The following PTPRM variants were observed in gnomAD, a reference collection of about 807,000 sequenced individuals.
The protein encoded by PTPRM is protein tyrosine phosphatase receptor type M.
Under a neutral mutation model 186.7 loss-of-function variants are expected in PTPRM, and 47 were observed. The observed-to-expected ratio is 0.25, with a 90% CI of 0.20 to 0.32. The LOEUF is 0.32. Ranked by LOEUF, PTPRM falls within the 10% of genes least tolerant of loss-of-function variation. The pLI is 1.00. For missense variants in PTPRM, 1,494 were observed against 1,865.0 expected (o/e 0.80, Z 3.66); for synonymous variants, 668 against 674.9 (o/e 0.99, Z 0.16).
At chr18:8,178,502 G>A (rs1339259508) in intron 14 of PTPRM, among the ~76,000 whole-genome samples, 1 of 152,106 alleles carries the variant, frequency 6.6e-6, no homozygotes, top group Non-Finnish European at 1.5e-5. Flanking sequence ...GGCTTTGATG[G>A]GCTGGGCACG....
chr18:7,671,856 G>A lies in PTPRM; in HGVS notation c.74-102293G>A, dbSNP rs1057287324. ...CCTCTTTTTTGGCTGGTGTACCGAA[G>A]TCTAAAAATGTACAAGTGGTAGAGT... On this transcript the variant is annotated intron_variant, in intron 1 of 32. Coordinates refer to ENST00000580170, the MANE Select transcript of PTPRM (RefSeq NM_001105244.2). Among the ~76,000 whole-genome samples the A allele has an allele frequency of 2.0e-5, 3 of 152,162 alleles. No individual in the cohort carries two copies. The South Asian group carries it at 6.2e-4, about 32-fold the overall frequency.
chr18:8,378,527 A>G, intron 27 of PTPRM, 113 bp downstream of exon 27: 1 of 1,314,228 alleles, frequency 7.6e-7, no homozygotes, highest in Non-Finnish European at 1.0e-6. Context: ...CCTCCATAGC[A>G]CTGTTCGTAT....
chr18:8,048,442 G>C lies in PTPRM; in HGVS notation c.1133-21244G>C, dbSNP rs1011230590. On this transcript the variant is annotated intron_variant, in intron 7 of 32. Coordinates refer to ENST00000580170, the MANE Select transcript of PTPRM (RefSeq NM_001105244.2). ...ATTCCAGTTGTCAGTGGGGTGCTGA[G>C]AACACACTCTTCTATTGAAACTGAG... Among the ~76,000 whole-genome samples the C allele has an allele frequency of 1.4e-4, 21 of 151,870 alleles. 1 individual carries two copies. The highest frequency in any genetic ancestry group is 2.1e-4 in the South Asian group (1 of 4,812).
chr18:7,950,145 C>G (rs2052841833), intron 6 of PTPRM, among the ~76,000 whole-genome samples: 1 of 152,190 alleles, frequency 6.6e-6, no homozygotes, highest in Non-Finnish European at 1.5e-5. Context: ...AAATTGATCT[C>G]TCTACATATA....
At chr18:8,219,290 A>T (rs2094126511) in intron 14 of PTPRM, among the ~76,000 whole-genome samples, 1 of 152,020 alleles carries the variant, frequency 6.6e-6, no homozygotes, top group Non-Finnish European at 1.5e-5. Context: ...ACATGGTGAA[A>T]CCCCGTCTCT....
At chr18:8,399,516 T>C (rs1206399677) in intron 32 of PTPRM, among the ~76,000 whole-genome samples, 2 of 152,184 alleles carry the variant, frequency 1.3e-5, no homozygotes, top group Non-Finnish European at 2.9e-5. Context: ...TTTTACAAAG[T>C]AACATCAAAA....
intron 2 of PTPRM, among the ~76,000 whole-genome samples, chr18:7,834,041 T>A (rs975636585): frequency 1.3e-5 from 2 of 152,110 alleles, no homozygotes; most frequent in Non-Finnish European, 1.5e-5. Flanking sequence ...ATGTTCTAGA[T>A]CTTTAATATG....
chr18:8,109,385 C>G (rs1406484309), intron 11 of PTPRM, among the ~76,000 whole-genome samples: 2 of 152,160 alleles, frequency 1.3e-5, no homozygotes, highest in Non-Finnish European at 2.9e-5. Context: ...TCTAATTTGT[C>G]TTGTGGAGCA....
chr18:8,324,162 G>C (rs2095362108), intron 22 of PTPRM, among the ~76,000 whole-genome samples: 1 of 152,126 alleles, frequency 6.6e-6, no homozygotes, highest in African/African-American at 2.4e-5. Flanking sequence ...GTCACAGATT[G>C]TTTATAACTA....
At chr18:7,786,463 G>T (rs2043100469) in intron 2 of PTPRM, among the ~76,000 whole-genome samples, 1 of 152,142 alleles carries the variant, frequency 6.6e-6, no homozygotes, top group South Asian at 2.1e-4. Flanking sequence ...TTCCTTGAAA[G>T]AGGTATCTTT....
chr18:8,227,761 C>T (rs2094232445), intron 14 of PTPRM, among the ~76,000 whole-genome samples: 1 of 152,188 alleles, frequency 6.6e-6, no homozygotes, highest in African/African-American at 2.4e-5. Context: ...CCAATTTAAT[C>T]TTGCTGCAGA....
intron 20 of PTPRM, among the ~76,000 whole-genome samples, chr18:8,306,393 G>C (rs2095222324): frequency 6.6e-6 from 1 of 152,118 alleles, no homozygotes; most frequent in Admixed American, 6.5e-5. Context: ...TCATGGTCTT[G>C]GACACCAAAG....
At chr18:7,822,725 A>C (rs1416077278) in intron 2 of PTPRM, among the ~76,000 whole-genome samples, 1 of 152,110 alleles carries the variant, frequency 6.6e-6, no homozygotes, top group Non-Finnish European at 1.5e-5. Context: ...AAACCCACCT[A>C]AATAAATGGC....
At chr18:8,140,624 A>T (rs1217789315) in intron 13 of PTPRM, among the ~76,000 whole-genome samples, 1 of 152,022 alleles carries the variant, frequency 6.6e-6, no homozygotes, top group Non-Finnish European at 1.5e-5. Flanking sequence ...TGATTTTAGC[A>T]GTCTCTTAAT....
At chr18:8,104,123 A>G (rs1292491956) in intron 11 of PTPRM, among the ~76,000 whole-genome samples, 7 of 152,176 alleles carry the variant, frequency 4.6e-5, no homozygotes, top group African/African-American at 1.2e-4. Flanking sequence ...AGGAATTACC[A>G]AAATGGCACA....
At chr18:7,603,138 T>C (rs1324828280) in intron 1 of PTPRM, among the ~76,000 whole-genome samples, 2 of 151,912 alleles carry the variant, frequency 1.3e-5, no homozygotes, top group Non-Finnish European at 2.9e-5. Flanking sequence ...CCATGTTAGC[T>C]GGGATGGTCT....
In PTPRM at chr18:8,144,419, C is replaced by T. The variant is rs111488279; in HGVS notation, c.2300+640C>T. 1.1e-3 allele frequency among the ~76,000 whole-genome samples: 161 copies of T among 152,214 alleles called. 1 individual carries two copies. Among genetic ancestry groups the T allele is most frequent in the African/African-American group, 3.8e-3 (157 of 41,532 alleles). On this transcript the variant is annotated intron_variant, in intron 14 of 32. Coordinates refer to ENST00000580170, the MANE Select transcript of PTPRM (RefSeq NM_001105244.2). The stretch of plus-strand genomic sequence containing the variant: ...ATTTGATCACTTTATCCCAGGAGTT[C>T]GAGACCAGCCTGGGCAACATGACAA...
chr18:7,987,932 A>C (rs7227734), intron 7 of PTPRM, among the ~76,000 whole-genome samples: 10,991 of 151,046 alleles, frequency 0.073, 506 homozygotes, highest in Middle Eastern at 0.27. Flanking sequence ...TAATCCCAGC[A>C]CTTTGAGAGG....
chr18:7,900,534 T>C (rs2049609749), intron 3 of PTPRM, among the ~76,000 whole-genome samples: 1 of 152,152 alleles, frequency 6.6e-6, no homozygotes, highest in Non-Finnish European at 1.5e-5. Flanking sequence ...TGTGTATCTA[T>C]ACATTAAAAG....
Sources: gnomAD v4.1 joint callset for allele counts (sites outside exome capture counted in the v4.1 genomes callset) on GRCh38, gnomAD v4.1.1 for gene constraint, MANE v1.5 for transcripts, NCBI Gene and HGNC (gene_info 2026-07-23, HGNC 2026-07-21) for gene names.